Variants in CRYL1 observed in about 807,000 individuals in gnomAD.
CRYL1 encodes lambda-crystallin homolog.
Under a neutral mutation model 36.6 loss-of-function variants are expected in CRYL1, and 29 were observed. That is an observed-to-expected ratio of 0.79 (90% CI 0.59 to 1.08). The LOEUF (loss-of-function observed/expected upper bound fraction) is 1.08, where lower values mean the gene tolerates loss of function less well. Ranked by LOEUF, CRYL1 falls within the 50% of genes least tolerant of loss-of-function variation. The pLI is 0.00. For synonymous variants in CRYL1, 152 were observed against 151.5 expected (o/e 1.00, Z -0.02); for missense variants, 411 against 407.9 (o/e 1.01, Z -0.06).
chr13:20,424,478 C>G (rs1383340517), intron 5 of CRYL1, among the ~76,000 whole-genome samples: 1 of 152,248 alleles, frequency 6.6e-6, no homozygotes, highest in Non-Finnish European at 1.5e-5. Flanking sequence ...CACAGACACA[C>G]TGACCACCCA....
chr13:20,490,498 A>G (rs1240414100), intron 2 of CRYL1, among the ~76,000 whole-genome samples: 1 of 152,240 alleles, frequency 6.6e-6, no homozygotes, highest in African/African-American at 2.4e-5. Context: ...CAATTTGAGA[A>G]GATGAAAACA....
intron 1 of CRYL1, among the ~76,000 whole-genome samples, chr13:20,516,737 C>T (rs2034005051): frequency 1.3e-5 from 2 of 152,142 alleles, no homozygotes; most frequent in Admixed American, 1.3e-4. Flanking sequence ...GCCTTGGCCT[C>T]CAAAAGTGCT....
intron 2 of CRYL1, among the ~76,000 whole-genome samples, chr13:20,510,181 A>G (rs1228742295): frequency 6.6e-6 from 1 of 152,226 alleles, no homozygotes; most frequent in East Asian, 1.9e-4. Flanking sequence ...AGGAGTTGGA[A>G]ACTTATGTCC....
At chr13:20,449,548 G>C (rs7984458) in intron 3 of CRYL1, among the ~76,000 whole-genome samples, 6,970 of 151,802 alleles carry the variant, frequency 0.046, 334 homozygotes, top group Admixed American at 0.16. Flanking sequence ...AATCACATTA[G>C]ATGTAAATGA....
intron 2 of CRYL1, among the ~76,000 whole-genome samples, chr13:20,496,085 C>A (rs1053047864): frequency 6.6e-6 from 1 of 152,088 alleles, no homozygotes; most frequent in East Asian, 1.9e-4. Flanking sequence ...ACAGGTGTGA[C>A]CCACCTCGCC....
At chr13:20,523,901 A>G (rs2034140346) in intron 1 of CRYL1, among the ~76,000 whole-genome samples, 1 of 152,212 alleles carries the variant, frequency 6.6e-6, no homozygotes, top group African/African-American at 2.4e-5. Context: ...AGATAACTGC[A>G]CAATCAACTA....
chr13:20,408,323 T>C (rs1319041540), intron 6 of CRYL1, among the ~76,000 whole-genome samples: 2 of 152,158 alleles, frequency 1.3e-5, no homozygotes, highest in South Asian at 2.1e-4. Flanking sequence ...GCATCTCAGT[T>C]TTGAAAAAGG....
chr13:20,472,594 G>T (rs1287655192), intron 3 of CRYL1, among the ~76,000 whole-genome samples: 3 of 152,186 alleles, frequency 2.0e-5, no homozygotes, highest in Admixed American at 1.3e-4. Context: ...TAACGTACGG[G>T]CAAGGCTAGC....
chr13:20,412,903 G>A (rs2031559690), intron 6 of CRYL1, among the ~76,000 whole-genome samples: 1 of 152,190 alleles, frequency 6.6e-6, no homozygotes, highest in African/African-American at 2.4e-5. Context: ...GTCCCTGTGG[G>A]TTAAGTCAGT....
chr13:20,480,788 G>A (rs541835905), intron 3 of CRYL1, among the ~76,000 whole-genome samples: 2 of 152,360 alleles, frequency 1.3e-5, no homozygotes, highest in Admixed American at 1.3e-4. Flanking sequence ...TGAATGCAAT[G>A]AGGATGCCCT....
intron 5 of CRYL1, among the ~76,000 whole-genome samples, chr13:20,417,921 T>C (rs1017768950): frequency 3.3e-5 from 5 of 152,222 alleles, no homozygotes; most frequent in Admixed American, 3.3e-4. Context: ...GCCAGTAAGA[T>C]TCACACACAT....
chr13:20,507,683 C>T (rs1481186215), intron 2 of CRYL1, among the ~76,000 whole-genome samples: 2 of 152,168 alleles, frequency 1.3e-5, no homozygotes, highest in African/African-American at 2.4e-5. Flanking sequence ...CTTTGGGAGG[C>T]CAAGGCAGGC....
At chr13:20,470,265 T>TTCAAGCACAGCC (rs1339581816) in intron 3 of CRYL1, among the ~76,000 whole-genome samples, 1 of 152,150 alleles carries the variant, frequency 6.6e-6, no homozygotes, top group Non-Finnish European at 1.5e-5. Context: ...CGGGTGCAAG[T>TTCAAGCACAGCC]TCAAGCACAG....
chr13:20,483,863 C>G (rs1363635641), intron 3 of CRYL1, among the ~76,000 whole-genome samples: 1 of 152,122 alleles, frequency 6.6e-6, no homozygotes, highest in Non-Finnish European at 1.5e-5. Flanking sequence ...TGTCGCCAGG[C>G]TGGAGTGCAG....
chr13:20,443,668 C>G (rs2032395572), intron 3 of CRYL1, among the ~76,000 whole-genome samples: 2 of 152,264 alleles, frequency 1.3e-5, no homozygotes, highest in South Asian at 4.1e-4. Flanking sequence ...GCTGGGATTA[C>G]AGGTGTAAGC....
rs2032206998 is a variant in CRYL1, at chr13:20,435,991, C to G, written c.438+3602G>C. On this transcript the variant is annotated intron_variant, in intron 4 of 7. Coordinates refer to ENST00000298248, the MANE Select transcript of CRYL1 (RefSeq NM_015974.3). This position sits in a 1 kb window ranked among gnomAD's most constrained non-coding sequence, Gnocchi z 4.0. ...AGCTCGGAGCGGCCGCAGGGCCGTG[C>G]AGATGTGCAAAGAGACGCACAGAGC... Among the ~76,000 whole-genome samples the G allele has an allele frequency of 6.6e-6, 1 of 152,212 alleles. No individual in the cohort carries two copies. Among genetic ancestry groups the G allele is most frequent in the Non-Finnish European group, 1.5e-5 (1 of 68,032 alleles).
intron 1 of CRYL1, among the ~76,000 whole-genome samples, chr13:20,516,190 C>CAAAAAAAAAAAAAAAAAAAAAAGAAAAA (rs35780379): frequency 1.4e-5 from 1 of 73,294 alleles, no homozygotes; most frequent in African/African-American, 5.8e-5. Flanking sequence ...AACTCCATCT[C>CAAAAAAAAAAAAAAAAAAAAAAGAAAAA]AAAAAAAAAA....
At chr13:20,471,478 G>T (rs57102684) in intron 3 of CRYL1, among the ~76,000 whole-genome samples, 4,500 of 151,926 alleles carry the variant, frequency 0.03, 159 homozygotes, top group African/African-American at 0.085. Context: ...GGTGGCGGTC[G>T]CCTGTAGTCC....
chr13:20,514,058 T>A (rs2033960582), intron 1 of CRYL1, among the ~76,000 whole-genome samples: 1 of 152,044 alleles, frequency 6.6e-6, no homozygotes, highest in African/African-American at 2.4e-5. Context: ...CACAAATAAA[T>A]GCTTGAATAA....
Sources: allele counts gnomAD v4.1 joint callset (sites outside exome capture counted in the v4.1 genomes callset), GRCh38; gene constraint gnomAD v4.1.1; non-coding constraint Gnocchi (gnomAD v3.1); transcripts MANE v1.5; gene names NCBI Gene and HGNC (gene_info 2026-07-23, HGNC 2026-07-21).